Variants in NCKAP5 observed in about 807,000 individuals in gnomAD.
NCKAP5 encodes NCK associated protein 5.
In NCKAP5, 92 loss-of-function variants were observed where a neutral mutation model predicts 167.0. That is an observed-to-expected ratio of 0.55 (90% CI 0.47 to 0.66). The LOEUF is 0.66. NCKAP5 is among the 30% of genes least tolerant of loss of function. NCKAP5 has a pLI of 0.00. For synonymous variants in NCKAP5, 891 were observed against 877.4 expected (o/e 1.02, Z -0.27); for missense variants, 2,378 against 2,315.0 (o/e 1.03, Z -0.56).
Position 133,271,369 on chromosome 2 carries a change from G to A in NCKAP5, c.143+31668C>T, listed in dbSNP as rs140433443. Among the ~76,000 whole-genome samples, 420 of 152,132 alleles carry A rather than the reference G, an allele frequency of 2.8e-3. 1 individual carries two copies. Among genetic ancestry groups the A allele is most frequent in the Middle Eastern group, 0.017 (5 of 292 alleles). On this transcript the variant is annotated intron_variant, in intron 4 of 19. Coordinates refer to ENST00000409261, the MANE Select transcript of NCKAP5 (RefSeq NM_207363.3). ...TGCCTCCTGACTTTTTGTTAACTGC[G>A]AAGGGGAAAAGCTGTATTAGACAAG...
intron 16 of NCKAP5, among the ~76,000 whole-genome samples, chr2:132,748,990 A>G (rs1158787677): frequency 6.6e-6 from 1 of 151,794 alleles, no homozygotes; most frequent in Non-Finnish European, 1.5e-5. Flanking sequence ...CAGGGTCTTG[A>G]ACTCCTGACC....
intron 5 of NCKAP5, among the ~76,000 whole-genome samples, chr2:133,152,301 T>C (rs939619708): frequency 1.6e-4 from 24 of 152,116 alleles, no homozygotes; most frequent in Non-Finnish European, 2.2e-4. Context: ...GCCACAGTTT[T>C]CCCCCCTTTG....
At chr2:133,472,456 G>A (rs1033063235) in intron 3 of NCKAP5, among the ~76,000 whole-genome samples, 7 of 151,912 alleles carry the variant, frequency 4.6e-5, no homozygotes, top group Non-Finnish European at 8.8e-5. Flanking sequence ...TGATTATTTT[G>A]TAAGGTTTTA....
At chr2:133,637,169 A>G in the NCKAP5 span, among the ~76,000 whole-genome samples, 1 of 151,986 alleles carries the variant, frequency 6.6e-6, no homozygotes, top group South Asian at 2.1e-4. Flanking sequence ...ACTTTCCCGC[A>G]CTTCTCCTAC....
intron 3 of NCKAP5, among the ~76,000 whole-genome samples, chr2:133,429,189 A>G (rs749651821): frequency 6.6e-6 from 1 of 152,202 alleles, no homozygotes; most frequent in Non-Finnish European, 1.5e-5. Flanking sequence ...CATTCTAAAT[A>G]CAGTGCCTCA....
At chr2:133,363,574 A>G (rs1435382867) in intron 3 of NCKAP5, among the ~76,000 whole-genome samples, 2 of 152,218 alleles carry the variant, frequency 1.3e-5, no homozygotes, top group Non-Finnish European at 2.9e-5. Flanking sequence ...TAGTGCTTCA[A>G]AGGCATCTAA....
intron 19 of NCKAP5, among the ~76,000 whole-genome samples, chr2:132,687,755 A>ACACACCCC (rs138845809): frequency 2.8e-5 from 4 of 142,312 alleles, no homozygotes; most frequent in African/African-American, 1.1e-4. Context: ...ACACACACAC[A>ACACACCCC]CCCTTCCTCT....
At chr2:132,718,302 C>G (rs1244533933) in intron 19 of NCKAP5, among the ~76,000 whole-genome samples, 1 of 152,222 alleles carries the variant, frequency 6.6e-6, no homozygotes, top group Non-Finnish European at 1.5e-5. Context: ...CCATCTACTA[C>G]CCAGTTCTAC....
Position 133,242,283 on chromosome 2 carries a change from T to C in NCKAP5, c.144-28504A>G, listed in dbSNP as rs149629845. 4.4e-3 allele frequency among the ~76,000 whole-genome samples: 662 copies of C among 149,894 alleles called. 5 individuals are homozygous for C. The highest frequency in any genetic ancestry group is 0.015 in the African/African-American group (611 of 40,318). ...TCTTTTTTTTTTAACTGAGAGAACA[T>C]ATACAAAATCAACTTTATCTTATCC... On this transcript the variant is annotated intron_variant, in intron 4 of 19. Transcript: ENST00000409261.
chr2:132,790,710 G>T (rs1683998058), intron 12 of NCKAP5, among the ~76,000 whole-genome samples: 1 of 152,106 alleles, frequency 6.6e-6, no homozygotes, highest in Non-Finnish European at 1.5e-5. Flanking sequence ...TTCCTGTGTG[G>T]CTATGGGGAA....
intron 3 of NCKAP5, among the ~76,000 whole-genome samples, chr2:133,425,161 C>T (rs1338115450): frequency 6.6e-6 from 1 of 152,324 alleles, no homozygotes; most frequent in East Asian, 1.9e-4. Flanking sequence ...CCAAACATCT[C>T]CCTGGTTAGG....
chr2:133,067,979 C>G (rs1332001954), intron 6 of NCKAP5, among the ~76,000 whole-genome samples: 2 of 152,126 alleles, frequency 1.3e-5, no homozygotes, highest in African/African-American at 4.8e-5. Context: ...TAGATATAGG[C>G]TGACCCTAAT....
intron 7 of NCKAP5, among the ~76,000 whole-genome samples, chr2:132,973,418 C>T (rs1397976852): frequency 6.6e-6 from 1 of 152,166 alleles, no homozygotes; most frequent in Non-Finnish European, 1.5e-5. Flanking sequence ...CTAGCTCTGC[C>T]ACTAGCCAGC....
chr2:133,567,377 A>G, intron 1 of NCKAP5, among the ~76,000 whole-genome samples: 1 of 152,334 alleles, frequency 6.6e-6, no homozygotes, highest in African/African-American at 2.4e-5. Context: ...CTGGCGGCAT[A>G]CATGAAGCTC....
intron 19 of NCKAP5, among the ~76,000 whole-genome samples, chr2:132,682,379 A>G (rs80236524): frequency 6.6e-6 from 1 of 152,104 alleles, no homozygotes; most frequent in African/African-American, 2.4e-5. Flanking sequence ...TGAATACTTA[A>G]ATGGGGAGTC....
intron 3 of NCKAP5, among the ~76,000 whole-genome samples, chr2:133,313,572 C>T (rs1327786407): frequency 6.6e-6 from 1 of 151,752 alleles, no homozygotes; most frequent in African/African-American, 2.4e-5. Context: ...TCTATAGCAG[C>T]TTGGGAGATA....
At chr2:133,047,264 AG>A (rs2079434991) in intron 6 of NCKAP5, among the ~76,000 whole-genome samples, 2 of 152,206 alleles carry the variant, frequency 1.3e-5, no homozygotes, top group African/African-American at 2.4e-5. Context: ...GACACTTTTC[AG>A]AAACCTCTGG....
rs551187254 is a variant in NCKAP5 at position 133,372,009 on chromosome 2, T to C, written c.70-68899A>G. Among the ~76,000 whole-genome samples, 17 of 152,056 alleles carry C rather than the reference T, an allele frequency of 1.1e-4. 1 individual carries two copies. In the South Asian group the frequency reaches 3.3e-3, roughly 30 times the overall value. On this transcript the variant is annotated intron_variant, in intron 3 of 19. Transcript: ENST00000409261. ...AGGGATAATATAGTTTAGTAAGAAG[T>C]GCACTCATATACTTGAAGATAAATG...
At chr2:133,314,610 C>T (rs1287280184) in intron 3 of NCKAP5, among the ~76,000 whole-genome samples, 5 of 152,174 alleles carry the variant, frequency 3.3e-5, no homozygotes, top group Admixed American at 3.3e-4. Context: ...ATGCCAGATG[C>T]AATTATTCTG....
Sources: allele counts gnomAD v4.1 joint callset (sites outside exome capture counted in the v4.1 genomes callset), GRCh38; gene constraint gnomAD v4.1.1; transcripts MANE v1.5; gene names NCBI Gene and HGNC (gene_info 2026-07-23, HGNC 2026-07-21).